LYPD6B: variants seen among roughly 807,000 people sequenced by gnomAD.
LYPD6B encodes the protein LY6/PLAUR domain containing 6B.
A neutral mutation model predicts 22.8 loss-of-function variants in LYPD6B; 17 were observed. That is an observed-to-expected ratio of 0.75 (90% confidence interval 0.51 to 1.12). The LOEUF (loss-of-function observed/expected upper bound fraction) is 1.12. Ranked by LOEUF, LYPD6B falls within the 50% of genes most tolerant of loss-of-function variation. The probability of loss-of-function intolerance (pLI) is 0.00; values close to 1 mark genes in which losing one functional copy is unlikely to be tolerated. For synonymous variants in LYPD6B, 106 were observed against 91.6 expected (o/e 1.16, Z -0.90); for missense variants, 221 against 258.3 (o/e 0.86, Z 0.99).
At chr2:149,136,310 G>A (rs920319798) in intron 2 of LYPD6B, among the ~76,000 whole-genome samples, 2 of 152,144 alleles carry the variant, frequency 1.3e-5, no homozygotes, top group African/African-American at 4.8e-5. Flanking sequence ...AGTTTCATAA[G>A]AAGCATTATT....
rs147045025 is a variant in LYPD6B, at chr2:149,046,146, C to T, written c.-67+7345C>T. Among the ~76,000 whole-genome samples the T allele has an allele frequency of 7.7e-3, 1,177 of 152,130 alleles. 9 individuals are homozygous for T. The highest frequency in any genetic ancestry group is 0.027 in the African/African-American group (1,126 of 41,514). On this transcript the variant is annotated intron_variant, in intron 1 of 6. Coordinates refer to ENST00000409642, the MANE Select transcript of LYPD6B (RefSeq NM_177964.5). ...GATCCCTTTCTTATTATGTGATGTCCCTCTGTATTTCTGTTAATATTCCTT... is the reference window on the plus strand; with the variant it reads ...GATCCCTTTCTTATTATGTGATGTCTCTCTGTATTTCTGTTAATATTCCTT...
intron 1 of LYPD6B, among the ~76,000 whole-genome samples, chr2:149,053,165 C>G (rs190469007): frequency 6.6e-6 from 1 of 151,970 alleles, no homozygotes; most frequent in Non-Finnish European, 1.5e-5. Flanking sequence ...ACCTTTCATT[C>G]GTACATACAT....
intron 1 of LYPD6B, among the ~76,000 whole-genome samples, chr2:149,103,085 T>C (rs1050838871): frequency 6.6e-6 from 1 of 152,172 alleles, no homozygotes; most frequent in African/African-American, 2.4e-5. Context: ...CTGTCTCCCT[T>C]GAACTGTTTC....
chr2:149,092,418 G>A (rs537601690), intron 1 of LYPD6B, among the ~76,000 whole-genome samples: 3 of 152,246 alleles, frequency 2.0e-5, no homozygotes, highest in South Asian at 2.1e-4. Flanking sequence ...GTGACTAGGC[G>A]ATCTTTATAA....
chr2:149,166,671 G>A (rs190513118), intron 3 of LYPD6B, among the ~76,000 whole-genome samples: 79 of 152,288 alleles, frequency 5.2e-4, no homozygotes, highest in Admixed American at 2.7e-3. Context: ...ATCGTCTTAT[G>A]TGGGCTCAGG....
At chr2:149,191,019 CAT>C (rs1230837895) in intron 3 of LYPD6B, among the ~76,000 whole-genome samples, 6 of 152,068 alleles carry the variant, frequency 3.9e-5, no homozygotes, top group African/African-American at 7.2e-5. Context: ...AAAAAAAATA[CAT>C]TTTATCATGA....
chr2:149,087,665 G>T (rs1685461241), intron 1 of LYPD6B, among the ~76,000 whole-genome samples: 1 of 152,146 alleles, frequency 6.6e-6, no homozygotes, highest in East Asian at 1.9e-4. Context: ...CCTACTAACA[G>T]GTACTCACAG....
rs1454802925 is a variant in LYPD6B at position 149,175,061 on chromosome 2, C to CTCTCTG, written c.77+14227_77+14228insCTCTGT. Among the ~76,000 whole-genome samples the CTCTCTG allele has an allele frequency of 5.0e-4, 56 of 113,078 alleles. 1 individual carries two copies. Among genetic ancestry groups the CTCTCTG allele is most frequent in the Middle Eastern group, 9.8e-3 (2 of 204 alleles). The allele number at this position is 113,078 out of a possible 152,430, so 74.2% of individuals were successfully genotyped here. A position where few individuals can be genotyped will look rare whatever the true frequency, so the allele number is the denominator to read the frequency against. ...TCTCTCTCTCTCTCTCTCTCTCTCT[C>CTCTCTG]TGTGTGTGTGTGTGTGTGTGTGTGT... On this transcript the variant is annotated intron_variant, in intron 3 of 6. Coordinates refer to ENST00000409642, the MANE Select transcript of LYPD6B (RefSeq NM_177964.5).
intron 3 of LYPD6B, among the ~76,000 whole-genome samples, chr2:149,170,944 T>C (rs1274882489): frequency 4.6e-5 from 7 of 152,176 alleles, no homozygotes; most frequent in Admixed American, 4.6e-4. Flanking sequence ...TTTATCTTCT[T>C]CATCTTGAAT....
At chr2:149,132,316 T>C (rs184338016) in intron 2 of LYPD6B, among the ~76,000 whole-genome samples, 79 of 150,216 alleles carry the variant, frequency 5.3e-4, no homozygotes, top group Non-Finnish European at 6.5e-4. Context: ...AAAGGGTTCA[T>C]GTAGAAATGG....
chr2:149,158,573 CA>C (rs1407984629), intron 2 of LYPD6B, among the ~76,000 whole-genome samples: 1 of 151,916 alleles, frequency 6.6e-6, no homozygotes, highest in Non-Finnish European at 1.5e-5. Context: ...TTTCAGACGA[CA>C]AAAAAGTTAT....
chr2:149,040,963 G>C (rs913358342), intron 1 of LYPD6B, among the ~76,000 whole-genome samples: 8 of 152,238 alleles, frequency 5.3e-5, no homozygotes, highest in African/African-American at 1.9e-4. Flanking sequence ...AGTCTAGTTG[G>C]AAAGACAGAT....
intron 2 of LYPD6B, among the ~76,000 whole-genome samples, chr2:149,144,138 G>A (rs1871962): frequency 0.51 from 76,785 of 152,026 alleles, 19,979 homozygotes; most frequent in South Asian, 0.69. Context: ...GCCTCAGAGG[G>A]GCTTATAGTA....
chr2:149,072,482 T>TTTTTATTTTATTTA (rs1684659355), intron 1 of LYPD6B, among the ~76,000 whole-genome samples: 1 of 129,844 alleles, frequency 7.7e-6, no homozygotes, highest in Non-Finnish European at 1.7e-5. Flanking sequence ...AGGGTGGTTA[T>TTTTTATTTTATTTA]TTTTATTTTA....
intron 1 of LYPD6B, among the ~76,000 whole-genome samples, chr2:149,106,929 T>G (rs989814955): frequency 6.6e-6 from 1 of 152,086 alleles, no homozygotes; most frequent in African/African-American, 2.4e-5. Context: ...CCCCCTTATC[T>G]GCAGGGGATG....
intron 1 of LYPD6B, among the ~76,000 whole-genome samples, chr2:149,080,438 G>A (rs1685071247): frequency 6.6e-6 from 1 of 152,192 alleles, no homozygotes; most frequent in Non-Finnish European, 1.5e-5. Context: ...TGTGGGGGGA[G>A]CACAATTTAA....
At chr2:149,077,416 C>A (rs763222455) in intron 1 of LYPD6B, 2 of 152,136 alleles carry the variant, frequency 1.3e-5, no homozygotes, top group Non-Finnish European at 2.9e-5. Flanking sequence ...CATTTGAAAA[C>A]CTTATTTTTA....
intron 3 of LYPD6B, among the ~76,000 whole-genome samples, chr2:149,178,281 G>A (rs1020690683): frequency 2.0e-5 from 3 of 151,994 alleles, no homozygotes; most frequent in African/African-American, 4.8e-5. Context: ...TTCCTCTATC[G>A]CCATCCAATA....
At chr2:149,134,753 A>G (rs1035739627) in intron 2 of LYPD6B, among the ~76,000 whole-genome samples, 49 of 152,224 alleles carry the variant, frequency 3.2e-4, no homozygotes, top group African/African-American at 1.1e-3. Flanking sequence ...TCCTGAGACC[A>G]CGTAGTCAAT....
Sources: gnomAD v4.1 joint callset for allele counts (sites outside exome capture counted in the v4.1 genomes callset) on GRCh38, gnomAD v4.1.1 for gene constraint, MANE v1.5 for transcripts, NCBI Gene and HGNC (gene_info 2026-07-23, HGNC 2026-07-21) for gene names.